The following HLF variants were observed in gnomAD, a reference collection of about 807,000 sequenced individuals.
HLF encodes the protein HLF transcription factor, PAR bZIP family member.
In HLF, 3 loss-of-function variants were observed where a neutral mutation model predicts 22.6. That is an observed-to-expected ratio of 0.13 (90% CI 0.06 to 0.34). HLF has a LOEUF of 0.34. Among genes scored for constraint, HLF ranks in the 10% least tolerant of loss-of-function variants. The pLI is 1.00. For synonymous variants in HLF, 151 were observed against 151.8 expected, an observed-to-expected ratio of 0.99 and a Z score of 0.04; for missense variants, 299 against 389.2, an observed-to-expected ratio of 0.77 and a Z score of 1.95.
At chr17:55,290,238 G>A (rs554146921) in intron 2 of HLF, among the ~76,000 whole-genome samples, 62 of 152,268 alleles carry the variant, frequency 4.1e-4, no homozygotes, top group African/African-American at 1.4e-3. Context: ...ACCCAGCAGT[G>A]CCACTGCTGG....
At chr17:55,289,275 G>T (rs1439214563) in intron 2 of HLF, among the ~76,000 whole-genome samples, 1 of 152,210 alleles carries the variant, frequency 6.6e-6, no homozygotes, top group Non-Finnish European at 1.5e-5. Flanking sequence ...GGTATGTACA[G>T]CTGGCAGGAA....
At chr17:55,300,339 C>A (rs998813703) in intron 2 of HLF, among the ~76,000 whole-genome samples, 4 of 152,226 alleles carry the variant, frequency 2.6e-5, no homozygotes, top group African/African-American at 9.6e-5. Context: ...TGTGCCTAAA[C>A]TGTCAGTGTT....
rs182267525 is a variant in HLF at position 55,311,277 on chromosome 17, G to T, written c.452-3950G>T. Among the ~76,000 whole-genome samples, 70 of 152,206 alleles carry T rather than the reference G, an allele frequency of 4.6e-4. No individual in the cohort carries two copies. The East Asian group carries it at 0.013, about 29-fold the overall frequency. On this transcript the variant is annotated intron_variant, in intron 2 of 3. Transcript: ENST00000226067. The stretch of plus-strand genomic sequence containing the variant: ...TAGTAAGACCAGCCTGGCCAACATG[G>T]TGAAACCCTCTACTAAGAGTAGTCT...
At position 55,278,617 on chromosome 17, in the gene HLF, A is replaced by T. The variant is rs577815075; in HGVS notation, c.451+10531A>T. Among the ~76,000 whole-genome samples the T allele has an allele frequency of 7.2e-5, 11 of 152,344 alleles. No homozygotes were observed. In the South Asian group the frequency reaches 2.3e-3, roughly 32 times the overall value. ...CAATGCAGCAAACCAGATGAACAAGATCATCTAGATATGCAGTAATCAGAT... is the reference window on the plus strand; with the variant it reads ...CAATGCAGCAAACCAGATGAACAAGTTCATCTAGATATGCAGTAATCAGAT... On this transcript the variant is annotated intron_variant, in intron 2 of 3. Transcript: ENST00000226067.
rs71385382 is a variant in HLF at position 55,315,470 on chromosome 17, T to C, written c.672+23T>C. ...AAGGTAAATTGGAACTGGTAATCAG[T>C]CTTTGGGCAAATGGAGAGTGGGATC... On this transcript the variant is annotated intron_variant, in intron 3 of 3. Coordinates refer to ENST00000226067, the MANE Select transcript of HLF (RefSeq NM_002126.5). 3.1e-3 allele frequency: 4,805 copies of C among 1,563,748 alleles called. 19 individuals carry two copies. The highest frequency in any genetic ancestry group is 3.6e-3 in the Non-Finnish European group (4,080 of 1,134,674).
At chr17:55,269,660 A>G (rs2145293669) in intron 2 of HLF, among the ~76,000 whole-genome samples, 1 of 152,352 alleles carries the variant, frequency 6.6e-6, no homozygotes, top group South Asian at 2.1e-4. Flanking sequence ...AAAATTAGAG[A>G]TAATACGTAT....
intron 3 of HLF, among the ~76,000 whole-genome samples, chr17:55,316,643 G>A (rs867347536): frequency 3.3e-5 from 5 of 152,192 alleles, no homozygotes. Flanking sequence ...TGAAGTCAGC[G>A]GATCACTACC....
chr17:55,293,849 C>T (rs774577650), intron 2 of HLF, among the ~76,000 whole-genome samples: 3 of 152,050 alleles, frequency 2.0e-5, no homozygotes, highest in Non-Finnish European at 2.9e-5. Flanking sequence ...TGGTACAACA[C>T]GGTGACAGAT....
rs1027543852 is a variant in HLF at position 55,286,565 on chromosome 17, C to T, written c.451+18479C>T. Among the ~76,000 whole-genome samples, 5 of 152,104 alleles carry T rather than the reference C, an allele frequency of 3.3e-5. No homozygotes were observed. The South Asian group carries it at 1.0e-3, about 32-fold the overall frequency. Reference sequence around the variant, plus strand: ...TAAAGTTGGTTTTGGAATTTTAAACCTTCCTTAGGAAAGACTTGAATGGTT... The same window carrying T: ...TAAAGTTGGTTTTGGAATTTTAAACTTTCCTTAGGAAAGACTTGAATGGTT... On this transcript the variant is annotated intron_variant, in intron 2 of 3. Coordinates refer to ENST00000226067, the MANE Select transcript of HLF (RefSeq NM_002126.5).
In HLF at chr17:55,324,790, A is replaced by AGT. The variant is rs72476932; in HGVS notation, c.*3929_*3930dup. The AGT allele has an allele frequency of 0.035, 7,569 of 215,766 alleles. 102 individuals carry two copies. The highest frequency in any genetic ancestry group is 0.052 in the Middle Eastern group (38 of 728). 13.4% of individuals were successfully genotyped at this position (215,766 alleles called of 1,614,324 possible). On this transcript the variant is annotated 3_prime_UTR_variant, in exon 4 of 4. Transcript: ENST00000226067. ...CATTTTGCAGGAGGCTAAGTGTAAGAGTGTGTGTGTGTGTGTGTGCGTGCA... is the reference window on the plus strand; with the variant it reads ...CATTTTGCAGGAGGCTAAGTGTAAGAGTGTGTGTGTGTGTGTGTGTGCGTGCA...
At position 55,265,021 on chromosome 17, in the gene HLF, G is replaced by T. The variant is rs913592181; in HGVS notation, c.-464G>T. Reference sequence around the variant, plus strand: ...GCGCTGAGCCCGGCGCTGCGGGGCCGCGGAGCGCTGGGGAGCAGCGGCCGC... The same window carrying T: ...GCGCTGAGCCCGGCGCTGCGGGGCCTCGGAGCGCTGGGGAGCAGCGGCCGC... On this transcript the variant is annotated 5_prime_UTR_variant, in exon 1 of 4. Coordinates refer to ENST00000226067, the MANE Select transcript of HLF (RefSeq NM_002126.5). The T allele has an allele frequency of 8.7e-5, 14 of 161,002 alleles. No homozygotes were observed. The highest frequency in any genetic ancestry group is 3.0e-4 in the African/African-American group (12 of 40,346). 10.0% of individuals were successfully genotyped at this position (161,002 alleles called of 1,614,324 possible).
chr17:55,314,372 G>A (rs147938664), intron 2 of HLF, among the ~76,000 whole-genome samples: 6 of 152,288 alleles, frequency 3.9e-5, no homozygotes, highest in Admixed American at 3.9e-4. Context: ...TACCGTTAAT[G>A]TGTACACTGT....
intron 2 of HLF, among the ~76,000 whole-genome samples, chr17:55,269,632 TTTGA>T (rs2080833775): frequency 6.6e-6 from 1 of 152,222 alleles, no homozygotes; most frequent in African/African-American, 2.4e-5. Context: ...ACAATTTCTA[TTTGA>T]TTGAGTTATT....
intron 2 of HLF, among the ~76,000 whole-genome samples, chr17:55,284,360 A>C (rs747059509): frequency 3.3e-5 from 5 of 152,224 alleles, no homozygotes; most frequent in Non-Finnish European, 7.3e-5. Flanking sequence ...ATAGGGATTT[A>C]CAAAAGAGTT....
At chr17:55,304,577 G>T (rs1020639564) in intron 2 of HLF, among the ~76,000 whole-genome samples, 2 of 152,252 alleles carry the variant, frequency 1.3e-5, no homozygotes, top group African/African-American at 4.8e-5. Context: ...CTCCTGCCAA[G>T]TTAGAAGCTG....
At chr17:55,301,902 C>G (rs530618998) in intron 2 of HLF, among the ~76,000 whole-genome samples, 1 of 152,334 alleles carries the variant, frequency 6.6e-6, no homozygotes, top group South Asian at 2.1e-4. Context: ...AGGAAAGCCT[C>G]CACTGCACTC....
At chr17:55,278,646 C>A (rs950422250) in intron 2 of HLF, among the ~76,000 whole-genome samples, 2 of 152,042 alleles carry the variant, frequency 1.3e-5, no homozygotes, top group East Asian at 3.8e-4. Flanking sequence ...ATCAGATTAC[C>A]CAGAACAGAA....
At chr17:55,267,709 T>A in intron 1 of HLF, 42 bp from the exon 2 acceptor site, 1 of 1,399,150 alleles carries the variant, frequency 7.1e-7, no homozygotes. Context: ...TGTTTTTCTT[T>A]TCTTTCTTTT....
chr17:55,301,764 A>G (rs1258486643), intron 2 of HLF, among the ~76,000 whole-genome samples: 1 of 152,226 alleles, frequency 6.6e-6, no homozygotes, highest in Non-Finnish European at 1.5e-5. Context: ...GCGATACTCT[A>G]GGAAGAGTAA....
Sources: gnomAD v4.1 joint callset for allele counts (sites outside exome capture counted in the v4.1 genomes callset) on GRCh38, gnomAD v4.1.1 for gene constraint, MANE v1.5 for transcripts, NCBI Gene and HGNC (gene_info 2026-07-23, HGNC 2026-07-21) for gene names.